Variants in TUSC3 observed in about 807,000 individuals in gnomAD.
TUSC3 encodes dolichyl-diphosphooligosaccharide--protein glycosyltransferase subunit TUSC3.
Under a neutral mutation model 44.8 loss-of-function variants are expected in TUSC3, and 45 were observed. The observed-to-expected ratio is 1.00, with a 90% CI of 0.79 to 1.29. The LOEUF (loss-of-function observed/expected upper bound fraction) is 1.29, where lower values mean the gene tolerates loss of function less well. Among genes scored for constraint, TUSC3 ranks in the 50% most tolerant of loss-of-function variants. TUSC3 has a pLI of 0.00. For missense variants in TUSC3, 519 were observed against 437.9 expected, an observed-to-expected ratio of 1.19 and a Z score of -1.65; for synonymous variants, 212 against 152.9, an observed-to-expected ratio of 1.39 and a Z score of -2.85.
intron 6 of TUSC3, among the ~76,000 whole-genome samples, chr8:15,718,855 A>G (rs1174771625): frequency 6.6e-6 from 1 of 152,114 alleles, no homozygotes; most frequent in Non-Finnish European, 1.5e-5. Flanking sequence ...ACATCCTATC[A>G]GTTTTAATGT....
the TUSC3 span, among the ~76,000 whole-genome samples, chr8:15,846,383 G>A: frequency 6.6e-6 from 1 of 152,034 alleles, no homozygotes; most frequent in Non-Finnish European, 1.5e-5. Context: ...TATACCCAAA[G>A]GATTGTAAAT....
the TUSC3 span, among the ~76,000 whole-genome samples, chr8:15,801,659 T>C: frequency 6.6e-6 from 1 of 152,018 alleles, no homozygotes; most frequent in Non-Finnish European, 1.5e-5. Context: ...AGCATAAGGA[T>C]GAAAGCACCA....
At chr8:15,791,564 G>T in the TUSC3 span, among the ~76,000 whole-genome samples, 1 of 152,094 alleles carries the variant, frequency 6.6e-6, no homozygotes, top group Non-Finnish European at 1.5e-5. Context: ...TCCATCATTG[G>T]CCAGCTCTGT....
chr8:15,619,645 C>G (rs1482467768), intron 1 of TUSC3, among the ~76,000 whole-genome samples: 1 of 152,070 alleles, frequency 6.6e-6, no homozygotes, highest in Non-Finnish European at 1.5e-5. Context: ...GTGCCCGCCA[C>G]CACGCCTGGC....
At chr8:15,670,462 A>G (rs1423889240) in intron 5 of TUSC3, among the ~76,000 whole-genome samples, 1 of 151,850 alleles carries the variant, frequency 6.6e-6, no homozygotes, top group Non-Finnish European at 1.5e-5. Context: ...GGCATTTTTG[A>G]TAAATATTGC....
intron 2 of TUSC3, among the ~76,000 whole-genome samples, chr8:15,517,078 A>C (rs539358127): frequency 6.6e-6 from 1 of 152,158 alleles, no homozygotes; most frequent in Non-Finnish European, 1.5e-5. Flanking sequence ...CGACGTCACT[A>C]ATCAATAGCT....
intron 2 of TUSC3, among the ~76,000 whole-genome samples, chr8:15,526,360 T>G (rs1375007710): frequency 6.6e-6 from 1 of 152,154 alleles, no homozygotes. Context: ...AATGATTACA[T>G]TCTATACAGA....
In TUSC3 at chr8:15,563,685, C is replaced by CAAAAAAAAAAAAAA. The variant is rs150368776; in HGVS notation, c.138+23124_138+23137dup. On this transcript the variant is annotated intron_variant, in intron 1 of 10. Transcript: ENST00000503731. ...TGAGTGACAGAGTGAGCCTCCATCTCAAAAAAAAAAAAAAAAAAAAGAACA... is the reference window on the plus strand; with the variant it reads ...TGAGTGACAGAGTGAGCCTCCATCTCAAAAAAAAAAAAAAAAAAAAAAAAAAAAAAAAAAGAACA... Among the ~76,000 whole-genome samples, 205 of 79,942 alleles carry CAAAAAAAAAAAAAA rather than the reference C, an allele frequency of 2.6e-3. 4 individuals carry two copies. Among genetic ancestry groups the CAAAAAAAAAAAAAA allele is most frequent in the Non-Finnish European group, 2.9e-3 (129 of 44,786 alleles). 52.4% of individuals were successfully genotyped at this position (79,942 alleles called of 152,430 possible). A position where few individuals can be genotyped will look rare whatever the true frequency, so the allele number is the denominator to read the frequency against.
At chr8:15,494,019 C>A (rs1425605786) in intron 2 of TUSC3, among the ~76,000 whole-genome samples, 1 of 152,198 alleles carries the variant, frequency 6.6e-6, no homozygotes, top group Non-Finnish European at 1.5e-5. Flanking sequence ...ATTTGCACTT[C>A]TTTCTCTTAC....
At chr8:15,487,307 G>C (rs1386936187) in intron 2 of TUSC3, among the ~76,000 whole-genome samples, 1 of 152,118 alleles carries the variant, frequency 6.6e-6, no homozygotes, top group Non-Finnish European at 1.5e-5. Context: ...TATCTTGAGA[G>C]CAAGATTTGT....
At chr8:15,720,216 A>ACG (rs1810249282) in intron 6 of TUSC3, among the ~76,000 whole-genome samples, 1 of 149,240 alleles carries the variant, frequency 6.7e-6, no homozygotes, top group East Asian at 2.0e-4. Context: ...ACACACACAC[A>ACG]CACACACACA....
intron 6 of TUSC3, among the ~76,000 whole-genome samples, chr8:15,678,693 C>A (rs568969033): frequency 3.9e-5 from 6 of 152,180 alleles, no homozygotes; most frequent in African/African-American, 1.4e-4. Flanking sequence ...CAGGTTGTTA[C>A]AAGAGTATAT....
In TUSC3 at chr8:15,625,464, G is replaced by A. The variant is rs532866089; in HGVS notation, c.308+2215G>A. Among the ~76,000 whole-genome samples, 10 of 152,190 alleles carry A rather than the reference G, an allele frequency of 6.6e-5. No individual in the cohort carries two copies. In the South Asian group the frequency reaches 1.2e-3, roughly 19 times the overall value. On this transcript the variant is annotated intron_variant, in intron 2 of 10. Transcript: ENST00000503731. ...TAGCATTTTCCAGTAAAATCATCTG[G>A]GTCTGGAGATATCTTCCAGAAACTT...
chr8:15,499,885 T>TACGTAC (rs1554507466), intron 2 of TUSC3, among the ~76,000 whole-genome samples: 1 of 152,002 alleles, frequency 6.6e-6, no homozygotes, highest in Non-Finnish European at 1.5e-5. Flanking sequence ...CATACATACG[T>TACGTAC]ACACACACAC....
intron 1 of TUSC3, among the ~76,000 whole-genome samples, chr8:15,547,864 A>G (rs909998767): frequency 6.6e-6 from 1 of 151,822 alleles, no homozygotes; most frequent in Non-Finnish European, 1.5e-5. Context: ...TTCACTTTCA[A>G]ATATCAAACT....
chr8:15,763,188 T>G (rs1585315832), intron 10 of TUSC3, among the ~76,000 whole-genome samples: 1 of 152,020 alleles, frequency 6.6e-6, no homozygotes, highest in East Asian at 1.9e-4. Flanking sequence ...TACATATTTA[T>G]TCTTGCACAT....
intron 1 of TUSC3, among the ~76,000 whole-genome samples, chr8:15,556,576 C>T (rs1254247259): frequency 6.5e-4 from 97 of 148,410 alleles, no homozygotes; most frequent in Non-Finnish European, 1.1e-3. Context: ...GAGGAATCGC[C>T]ACACTGACTT....
At chr8:15,671,255 T>G (rs2129182705) in intron 5 of TUSC3, among the ~76,000 whole-genome samples, 1 of 152,100 alleles carries the variant, frequency 6.6e-6, no homozygotes, top group Admixed American at 6.6e-5. Flanking sequence ...GTCTTTCTGT[T>G]AGTGTGTTTT....
At chr8:15,530,414 A>G (rs1266144657) in intron 2 of TUSC3, among the ~76,000 whole-genome samples, 6 of 152,190 alleles carry the variant, frequency 3.9e-5, no homozygotes, top group Admixed American at 3.9e-4. Flanking sequence ...AATATGTAGT[A>G]TTTATAATGT....
Sources: gnomAD v4.1 joint callset for allele counts (sites outside exome capture counted in the v4.1 genomes callset) on GRCh38, gnomAD v4.1.1 for gene constraint, MANE v1.5 for transcripts, NCBI Gene and HGNC (gene_info 2026-07-23, HGNC 2026-07-21) for gene names.